SHANK1: variants seen among roughly 807,000 people sequenced by gnomAD.
SHANK1 encodes SH3 and multiple ankyrin repeat domains protein 1.
SHANK1 carries 35 observed loss-of-function variants against 165.6 expected under a neutral mutation model. The ratio of observed to expected loss-of-function variants is 0.21; its 90% CI spans 0.16 to 0.28. SHANK1 has a LOEUF of 0.28. SHANK1 is among the 10% of genes least tolerant of loss of function. The pLI is 1.00. For missense variants in SHANK1, 2,681 were observed against 3,036.4 expected, an observed-to-expected ratio of 0.88 and a Z score of 2.75; for synonymous variants, 1,428 against 1,384.8, an observed-to-expected ratio of 1.03 and a Z score of -0.69.
In SHANK1 at chr19:50,690,332, C is replaced by T. The variant is rs1986502548; in HGVS notation, c.1965-1053G>A. Among the ~76,000 whole-genome samples the T allele has an allele frequency of 6.6e-6, 1 of 152,116 alleles. No homozygotes were observed. The highest frequency in any genetic ancestry group is 2.4e-5 in the African/African-American group (1 of 41,396). The stretch of plus-strand genomic sequence containing the variant: ...TCATGGATCTCAAGGCTCACTCAAA[C>T]AGCCCCAAACTCCTGACATGACCAC... On this transcript the variant is annotated intron_variant, in intron 15 of 23. Transcript: ENST00000293441. The surrounding 1 kb of genome is among the most constrained non-coding windows in gnomAD (Gnocchi z 4.9).
chr19:50,666,024 G>GAA (rs111296421), intron 23 of SHANK1, among the ~76,000 whole-genome samples, 168 bp downstream of exon 23: 4 of 124,478 alleles, frequency 3.2e-5, no homozygotes, highest in African/African-American at 9.0e-5. Flanking sequence ...GAAAAGAAAA[G>GAA]AAAAAAAAAA....
intron 18 of SHANK1, 102 bp from the exon 19 acceptor site, chr19:50,687,764 G>T: frequency 7.5e-7 from 1 of 1,341,664 alleles, no homozygotes; most frequent in Non-Finnish European, 1.0e-6. Flanking sequence ...GCCATTGCCA[G>T]CGTGCGGAGC....
chr19:50,712,224 C>A, intron 6 of SHANK1, 110 bp from the exon 7 acceptor site: 2 of 1,125,294 alleles, frequency 1.8e-6, no homozygotes, highest in African/African-American at 1.6e-5. Flanking sequence ...CCTACAGTGG[C>A]CAATGACAGT....
intron 23 of SHANK1, among the ~76,000 whole-genome samples, chr19:50,665,752 A>AAAAAAAAAAAAAAAT (rs1599838021): frequency 6.8e-6 from 1 of 146,806 alleles, no homozygotes; most frequent in Non-Finnish European, 1.5e-5. Context: ...AAAAAAAAAA[A>AAAAAAAAAAAAAAAT]GCCAGGCATG....
rs1599854146 is a variant in SHANK1, at chr19:50,686,953, A to G, written c.2390-141T>C. 3.1e-6 allele frequency: 4 copies of G among 1,282,906 alleles called. No individual in the cohort carries two copies. The highest frequency in any genetic ancestry group is 4.1e-6 in the Non-Finnish European group (4 of 969,744). The allele number at this position is 1,282,906 out of a possible 1,614,324, so 79.5% of individuals were successfully genotyped here. ...GGGCAGTGAGGGGCCGGGGTCAGGG[A>G]GGGGCGAGTCCGCCGGCGGGGTCGG... On this transcript the variant is annotated intron_variant, in intron 19 of 23. Coordinates refer to ENST00000293441, the MANE Select transcript of SHANK1 (RefSeq NM_016148.5). The surrounding 1 kb of genome is among the most constrained non-coding windows in gnomAD (Gnocchi z 5.7).
chr19:50,667,340 G>A lies in SHANK1; in HGVS notation c.4620C>T (p.Asn1540=). ...GCGGCAGGACCAGCAGGGGCAGCCC[G>A]TTCTCTTCGCTGGCCCTCGGGGAGG... The part of the protein sequence containing the change: ...SPTSPRASEE[N]GLPLLVLPPP... The change falls in exon 23 of 24, where the codon AAC becomes AAT. Residue 1540 remains asparagine, a synonymous_variant. Transcript: ENST00000293441. The surrounding 1 kb of genome is among the most constrained non-coding windows in gnomAD (Gnocchi z 5.7). 4 of 1,566,666 alleles carry A rather than the reference G, an allele frequency of 2.6e-6. No individual in the cohort carries two copies. Among genetic ancestry groups the A allele is most frequent in the Non-Finnish European group, 3.4e-6 (4 of 1,162,262 alleles).
chr19:50,680,821 A>C (rs1986155779), intron 21 of SHANK1, among the ~76,000 whole-genome samples: 1 of 152,018 alleles, frequency 6.6e-6, no homozygotes, highest in Non-Finnish European at 1.5e-5. Flanking sequence ...ACACCCAGCA[A>C]ATTTTTGTAG....
intron 9 of SHANK1, 116 bp downstream of exon 9, chr19:50,704,321 C>A: frequency 7.6e-7 from 1 of 1,315,508 alleles, no homozygotes; most frequent in Non-Finnish European, 1.1e-6. Flanking sequence ...CTTCCAGCTC[C>A]CCCTCCACGG....
At position 50,662,269 on chromosome 19, in the gene SHANK1, A is replaced by G; in HGVS notation, c.6182T>C (p.Ile2061Thr). The change falls in exon 24 of 24, where the codon ATA becomes ACA. Residue 2061 changes from isoleucine to threonine, a missense_variant. Around this residue, in one of 10 missense-constraint regions of SHANK1, gnomAD observed 1,713 missense variants for 1,630.2 expected, o/e 1.05. Coordinates refer to ENST00000293441, the MANE Select transcript of SHANK1 (RefSeq NM_016148.5). The surrounding 1 kb of genome is among the most constrained non-coding windows in gnomAD (Gnocchi z 7.7). ...APVFVPPHPG[I>T]SGGLGGALSG... Reference sequence around the variant, plus strand: ...CAAGGCTCCCCCGAGCCCCCCGGATATCCCCGGGTGTGGCGGCACAAAGAC... The same window carrying G: ...CAAGGCTCCCCCGAGCCCCCCGGATGTCCCCGGGTGTGGCGGCACAAAGAC... The G allele has an allele frequency of 6.2e-7, 1 of 1,611,448 alleles. No individual in the cohort carries two copies. Among genetic ancestry groups the G allele is most frequent in the South Asian group, 1.1e-5 (1 of 90,926 alleles).
intron 4 of SHANK1, 142 bp downstream of exon 4, chr19:50,715,517 T>G: frequency 1.4e-6 from 1 of 730,260 alleles, no homozygotes. Context: ...CATCCCAAGT[T>G]AAGCGGGGGC....
rs1472382745 is a variant in SHANK1 at position 50,686,387 on chromosome 19, G to A, written c.2459-32C>T. On this transcript the variant is annotated intron_variant, in intron 20 of 23. Coordinates refer to ENST00000293441, the MANE Select transcript of SHANK1 (RefSeq NM_016148.5). The surrounding 1 kb of genome is among the most constrained non-coding windows in gnomAD (Gnocchi z 5.7). Reference sequence around the variant, plus strand: ...GTAGATGAATGAACAGAGGTGGGAAGACAATGAAATGAAGTTTGCTTTGAC... The same window carrying A: ...GTAGATGAATGAACAGAGGTGGGAAAACAATGAAATGAAGTTTGCTTTGAC... 6.2e-6 allele frequency: 9 copies of A among 1,449,244 alleles called. No homozygotes were observed. The highest frequency in any genetic ancestry group is 1.8e-4 in the Middle Eastern group (1 of 5,610). 89.8% of individuals were successfully genotyped at this position (1,449,244 alleles called of 1,614,324 possible).
chr19:50,661,873 C>T lies in SHANK1; in HGVS notation c.*92G>A. 15 of 1,434,422 alleles carry T rather than the reference C, an allele frequency of 1.0e-5. No homozygotes were observed. Among genetic ancestry groups the T allele is most frequent in the Non-Finnish European group, 1.5e-5 (15 of 1,033,716 alleles). The allele number at this position is 1,434,422 out of a possible 1,614,324, so 88.9% of individuals were successfully genotyped here. A position where few individuals can be genotyped will look rare whatever the true frequency, so the allele number is the denominator to read the frequency against. On this transcript the variant is annotated 3_prime_UTR_variant, in exon 24 of 24. Transcript: ENST00000293441. The stretch of plus-strand genomic sequence containing the variant: ...GGCGCAGTTTGAACAGAGTCCCTGG[C>T]CCGGGGAGAGAATGACAGTCAGGGG...
At chr19:50,664,669 A>G (rs1490009993) in intron 23 of SHANK1, among the ~76,000 whole-genome samples, 1 of 152,174 alleles carries the variant, frequency 6.6e-6, no homozygotes, top group Non-Finnish European at 1.5e-5. Context: ...GCTTCAAGGG[A>G]CTCACAGATT....
In SHANK1 at chr19:50,716,915, G is replaced by A; in HGVS notation, c.5C>T (p.Thr2Ile). The A allele has an allele frequency of 2.1e-6, 3 of 1,437,728 alleles. No individual in the cohort carries two copies. Among genetic ancestry groups the A allele is most frequent in the Non-Finnish European group, 1.8e-6 (2 of 1,094,338 alleles). The allele number at this position is 1,437,728 out of a possible 1,614,324, so 89.1% of individuals were successfully genotyped here. Residue 2 changes from threonine to isoleucine, a missense_variant, in exon 2 of 24, where the codon ACC (threonine) becomes ATC (isoleucine). By Grantham distance (89) the Thr-to-Ile change is moderately conservative. Transcript: ENST00000293441. This position sits in a 1 kb window ranked among gnomAD's most constrained non-coding sequence, Gnocchi z 8.4. ...GTCCTCGCTTGTCGCGGGGCTGTGG[G>A]TCATTGTGGGGCCACGGGGCGACGG... M[T>I]HSPATSEDEE...
chr19:50,702,622 G>T lies in SHANK1; in HGVS notation c.1592C>A (p.Thr531Lys), dbSNP rs756769589. ...GTPREGPAGGTGGSGGPGGSL... is the reference protein window; with the variant it reads ...GTPREGPAGGKGGSGGPGGSL... ...GCCCCCGGGGCCCCCTGAGCCCCCC[G>T]TGCCCCCGGCTGGCCCTTCCCGGGG... Residue 531 changes from threonine to lysine, a missense_variant, in exon 12 of 24, where the codon ACG becomes AAG. Coordinates refer to ENST00000293441, the MANE Select transcript of SHANK1 (RefSeq NM_016148.5). The surrounding 1 kb of genome is among the most constrained non-coding windows in gnomAD (Gnocchi z 5.3). 1.9e-6 allele frequency: 3 copies of T among 1,586,912 alleles called. No individual in the cohort carries two copies. Among genetic ancestry groups the T allele is most frequent in the East Asian group, 4.6e-5 (2 of 43,610 alleles).
chr19:50,667,515 G>T lies in SHANK1; in HGVS notation c.4445C>A (p.Pro1482His). 6.6e-7 allele frequency: 1 copy of T among 1,520,746 alleles called. No individual in the cohort carries two copies. Among genetic ancestry groups the T allele is most frequent in the Non-Finnish European group, 8.7e-7 (1 of 1,147,342 alleles). The allele number at this position is 1,520,746 out of a possible 1,614,324, so 94.2% of individuals were successfully genotyped here. A position where few individuals can be genotyped will look rare whatever the true frequency, so the allele number is the denominator to read the frequency against. ...CAGCGGCAGCCGCTCGGGTTCTTCG[G>T]GGGCTGCGGACCTCCAGGGCTTGCT... ...GVSKPWRSAA[P>H]EEPERLPLHV... The change falls in exon 23 of 24, where the codon CCC (proline) becomes CAC (histidine). Residue 1482 changes from proline to histidine, a missense_variant. By Grantham distance (77) the Pro-to-His change is moderately conservative. This residue lies in a region of SHANK1 where 1,713 missense variants were observed against 1,630.2 expected (regional missense o/e 1.05). Coordinates refer to ENST00000293441, the MANE Select transcript of SHANK1 (RefSeq NM_016148.5). This position sits in a 1 kb window ranked among gnomAD's most constrained non-coding sequence, Gnocchi z 5.7.
chr19:50,668,304 G>A lies in SHANK1; in HGVS notation c.3656C>T (p.Ser1219Leu), dbSNP rs1428639080. The stretch of plus-strand genomic sequence containing the variant: ...GTCCAGCGTGGCCGGGCCGCTGGGC[G>A]AGGCGGGGGTGGGCACGGGCGAGGG... ...PSPSPVPTPASPSGPATLDFT... is the reference protein window; with the variant it reads ...PSPSPVPTPALPSGPATLDFT... Residue 1219 changes from serine to leucine, a missense_variant, in exon 23 of 24, where the codon TCG becomes TTG. By Grantham distance (145) the Ser-to-Leu change is moderately radical. Transcript: ENST00000293441. 5 of 1,290,936 alleles carry A rather than the reference G, an allele frequency of 3.9e-6. No homozygotes were observed. Among genetic ancestry groups the A allele is most frequent in the Non-Finnish European group, 4.9e-6 (5 of 1,023,772 alleles). 80.0% of individuals were successfully genotyped at this position (1,290,936 alleles called of 1,614,324 possible).
rs1195274326 is a variant in SHANK1, at chr19:50,662,648, T to C, written c.5803A>G (p.Lys1935Glu). Residue 1935 changes from lysine (K) to glutamate (E), a missense_variant, in exon 24 of 24, where the codon AAG (lysine) becomes GAG (glutamate). By Grantham distance (56) the Lys-to-Glu change is moderately conservative (BLOSUM62 1). Coordinates refer to ENST00000293441, the MANE Select transcript of SHANK1 (RefSeq NM_016148.5). This position sits in a 1 kb window ranked among gnomAD's most constrained non-coding sequence, Gnocchi z 7.7. ...TTCTGAAACAGGCTGCTGACAGGCTTGGAGAGGAGTGAGGACTGGGAGTCG... is the reference window on the plus strand; with the variant it reads ...TTCTGAAACAGGCTGCTGACAGGCTCGGAGAGGAGTGAGGACTGGGAGTCG... The part of the protein sequence containing the change: ...SDDSQSSLLS[K>E]PVSSLFQNWP... 25 of 1,550,804 alleles carry C rather than the reference T, an allele frequency of 1.6e-5. No individual in the cohort carries two copies. The highest frequency in any genetic ancestry group is 5.9e-5 in the South Asian group (5 of 84,706).
intron 21 of SHANK1, among the ~76,000 whole-genome samples, chr19:50,672,751 C>G (rs1568430112): frequency 6.6e-6 from 1 of 152,080 alleles, no homozygotes; most frequent in Non-Finnish European, 1.5e-5. Flanking sequence ...GGAGCAGCCT[C>G]TTCCCTCATC....
Sources: gnomAD v4.1 joint callset for allele counts (sites outside exome capture counted in the v4.1 genomes callset) on GRCh38, gnomAD v4.1.1 for gene constraint, gnomAD v4.1.1 regional missense constraint, Gnocchi (gnomAD v3.1) non-coding constraint, MANE v1.5 for transcripts, NCBI Gene and HGNC (gene_info 2026-07-23, HGNC 2026-07-21) for gene names.